CLEC2A: variants seen among roughly 807,000 people sequenced by gnomAD.
CLEC2A encodes keratinocyte-associated C-type lectin.
Under a neutral mutation model 18.6 loss-of-function variants are expected in CLEC2A, and 19 were observed. The ratio of observed to expected loss-of-function variants is 1.02; its 90% CI spans 0.71 to 1.50. The LOEUF (loss-of-function observed/expected upper bound fraction) is 1.50. Ranked by LOEUF, CLEC2A falls within the 40% of genes most tolerant of loss-of-function variation. CLEC2A has a pLI of 0.00. For synonymous variants in CLEC2A, 74 were observed against 64.0 expected (o/e 1.16, Z -0.75); for missense variants, 190 against 207.9 (o/e 0.91, Z 0.53).
chr12:9,916,853 T>TG, intron 3 of CLEC2A, 50 bp from the exon 4 acceptor site: 1 of 1,074,448 alleles, frequency 9.3e-7, no homozygotes, highest in Non-Finnish European at 1.4e-6. Context: ...TTACAGCACA[T>TG]TGCTGAACAT....
intron 1 of CLEC2A, among the ~76,000 whole-genome samples, chr12:9,928,863 AG>A (rs977274496): frequency 3.3e-5 from 5 of 152,230 alleles, no homozygotes; most frequent in Non-Finnish European, 5.9e-5. Context: ...AGCAGGATAT[AG>A]GGGAACCGAA....
At chr12:9,920,692 G>A (rs1863156740) in intron 3 of CLEC2A, among the ~76,000 whole-genome samples, 2 of 151,994 alleles carry the variant, frequency 1.3e-5, no homozygotes, top group South Asian at 2.1e-4. Context: ...ACTTCTAGTC[G>A]GCCATCTTGG....
chr12:9,917,008 G>GCT (rs1460467645), intron 3 of CLEC2A, among the ~76,000 whole-genome samples: 1 of 152,192 alleles, frequency 6.6e-6, no homozygotes, highest in South Asian at 2.1e-4. Context: ...TGCATCTTAA[G>GCT]TATCTCCAGA....
intron 1 of CLEC2A, among the ~76,000 whole-genome samples, chr12:9,931,122 A>G (rs1264393108): frequency 1.3e-5 from 2 of 152,012 alleles, no homozygotes; most frequent in South Asian, 2.1e-4. Context: ...GCTTCACAGT[A>G]CTTCATATTT....
intron 1 of CLEC2A, among the ~76,000 whole-genome samples, chr12:9,927,514 G>T (rs1310643623): frequency 6.6e-6 from 1 of 152,006 alleles, no homozygotes; most frequent in Non-Finnish European, 1.5e-5. Context: ...TTATATGTAT[G>T]TATATATACA....
intron 3 of CLEC2A, among the ~76,000 whole-genome samples, chr12:9,921,006 G>A (rs1863163151): frequency 6.6e-6 from 1 of 152,180 alleles, no homozygotes; most frequent in African/African-American, 2.4e-5. Context: ...TAAAGGACAT[G>A]GCATCACTAG....
At chr12:9,895,812 C>G (rs1336203971), downstream of CLEC2A, 2 of 1,534,798 alleles carry the variant, frequency 1.3e-6, no homozygotes, top group Non-Finnish European at 1.7e-6. Context: ...TCTTGACGCA[C>G]AATGGAACCA....
At position 9,922,168 on chromosome 12, in the gene CLEC2A, CTT is replaced by C. The variant is rs1565533995; in HGVS notation, c.202_203del (p.Lys68ValfsTer6). The C allele has an allele frequency of 6.4e-7, 1 of 1,551,150 alleles. No homozygotes were observed. Among genetic ancestry groups the C allele is most frequent in the Non-Finnish European group, 8.7e-7 (1 of 1,146,716 alleles). On this transcript the variant is annotated frameshift_variant, in exon 3 of 5. Coordinates refer to ENST00000455827, the MANE Select transcript of CLEC2A (RefSeq NM_001130711.2). LOFTEE classifies it high-confidence loss of function. ...CSGDWLGVRD[K>X]CFYFSDDTRN... Reference sequence around the variant, plus strand: ...TGGTATCATCAGAAAAATAGAAACACTTATCTCTCACTCCAAGCCAGTCCCCT... The same window carrying C: ...TGGTATCATCAGAAAAATAGAAACACATCTCTCACTCCAAGCCAGTCCCCT...
chr12:9,893,257 C>T, the CLEC2A span: 2,082 of 1,258,706 alleles, frequency 1.7e-3, 32 homozygotes, highest in African/African-American at 0.028. Flanking sequence ...GGTTTATTGT[C>T]GTTGCTTCTG....
chr12:9,919,352 G>A (rs1448919164), intron 3 of CLEC2A, among the ~76,000 whole-genome samples: 1 of 152,222 alleles, frequency 6.6e-6, no homozygotes, highest in Non-Finnish European at 1.5e-5. Flanking sequence ...TCTCTGCTGT[G>A]GGCCCAAGCT....
the CLEC2A span, among the ~76,000 whole-genome samples, chr12:9,890,707 G>GA: frequency 6.6e-6 from 1 of 152,166 alleles, no homozygotes. Context: ...AACAGATGGG[G>GA]ACTCTTCTTT....
At chr12:9,926,017 A>G (rs1011606972) in intron 2 of CLEC2A, among the ~76,000 whole-genome samples, 1 of 152,194 alleles carries the variant, frequency 6.6e-6, no homozygotes. Flanking sequence ...AGAATTTAAG[A>G]TTATTTTTCT....
intron 1 of CLEC2A, among the ~76,000 whole-genome samples, chr12:9,926,709 T>C (rs1318707328): frequency 6.6e-6 from 1 of 152,132 alleles, no homozygotes; most frequent in Non-Finnish European, 1.5e-5. Flanking sequence ...TTATAACAGA[T>C]ATATAAGGCA....
At chr12:9,916,617 T>C in intron 4 of CLEC2A, 83 bp downstream of exon 4, 1 of 902,780 alleles carries the variant, frequency 1.1e-6, no homozygotes, top group Non-Finnish European at 1.8e-6. Flanking sequence ...AAGATTTGTT[T>C]ATAATAATAC....
chr12:9,925,255 C>T (rs752761262), intron 2 of CLEC2A, among the ~76,000 whole-genome samples: 7 of 152,098 alleles, frequency 4.6e-5, no homozygotes, highest in Non-Finnish European at 7.4e-5. Context: ...AAACCCTGAG[C>T]GGGTAGAGGT....
chr12:9,894,044 T>G (rs1388675444), downstream of CLEC2A, among the ~76,000 whole-genome samples: 1 of 151,930 alleles, frequency 6.6e-6, no homozygotes, highest in African/African-American at 2.4e-5. Context: ...TTCTTTTTCT[T>G]TCTTTCTTTC....
intron 4 of CLEC2A, among the ~76,000 whole-genome samples, chr12:9,906,020 G>GTTTTTTTTTTTTT: frequency 1.2e-5 from 1 of 83,100 alleles, no homozygotes; most frequent in Non-Finnish European, 2.5e-5. Flanking sequence ...CCACTTATTA[G>GTTTTTTTTTTTTT]TTTTGTTTTT....
chr12:9,887,500 AT>A, the CLEC2A span, among the ~76,000 whole-genome samples: 1 of 152,242 alleles, frequency 6.6e-6, no homozygotes, highest in South Asian at 2.1e-4. Flanking sequence ...TCAAGTAAAT[AT>A]TTTTTCCATT....
At chr12:9,888,419 G>A in the CLEC2A span, among the ~76,000 whole-genome samples, 3 of 152,022 alleles carry the variant, frequency 2.0e-5, no homozygotes, top group Admixed American at 6.6e-5. Context: ...GAACCTGGGA[G>A]TCGGAGCTTG....
Sources: gnomAD v4.1 joint callset for allele counts (sites outside exome capture counted in the v4.1 genomes callset) on GRCh38, gnomAD v4.1.1 for gene constraint, MANE v1.5 for transcripts, NCBI Gene and HGNC (gene_info 2026-07-23, HGNC 2026-07-21) for gene names.